Variants in BAHCC1 observed in about 807,000 individuals in gnomAD.
BAHCC1 encodes the protein BAH domain and coiled-coil containing 1.
BAHCC1 carries 43 observed loss-of-function variants against 88.2 expected under a neutral mutation model. The observed-to-expected ratio is 0.49, with a 90% CI of 0.38 to 0.63. BAHCC1 has a LOEUF of 0.63. BAHCC1 is among the 20% of genes least tolerant of loss of function. The probability of loss-of-function intolerance (pLI) is 0.00; values close to 1 mark genes in which losing one functional copy is unlikely to be tolerated. For synonymous variants in BAHCC1, 1,510 were observed against 745.5 expected, an observed-to-expected ratio of 2.03 and a Z score of -16.71; for missense variants, 3,023 against 1,654.8, an observed-to-expected ratio of 1.83 and a Z score of -14.34.
chr17:81,413,468 C>T (rs957183673), intron 2 of BAHCC1, among the ~76,000 whole-genome samples: 1 of 152,164 alleles, frequency 6.6e-6, no homozygotes, highest in Middle Eastern at 3.2e-3. Context: ...ACCACACCAC[C>T]GCCTCCACTC....
Position 81,461,943 on chromosome 17 carries a change from A to G in BAHCC1, c.7280A>G (p.Glu2427Gly). ...KEALSFSKAK[E>G]LSRRQRPPSV... The stretch of plus-strand genomic sequence containing the variant: ...GCCCTGAGCTTCTCCAAAGCCAAAG[A>G]GCTCTCCCGGAGGCAGCGGCCGCCC... The change falls in exon 26 of 28, where the codon GAG becomes GGG. Residue 2427 changes from glutamate (E) to glycine (G), a missense_variant. Transcript: ENST00000675386. 2.6e-6 allele frequency: 2 copies of G among 765,320 alleles called. No individual in the cohort carries two copies. Among genetic ancestry groups the G allele is most frequent in the Non-Finnish European group, 4.9e-6 (2 of 411,526 alleles). The allele number at this position is 765,320 out of a possible 1,614,324, so 47.4% of individuals were successfully genotyped here.
chr17:81,429,397 G>T (rs1389237467), intron 3 of BAHCC1, among the ~76,000 whole-genome samples: 15 of 152,210 alleles, frequency 9.9e-5, no homozygotes, highest in Non-Finnish European at 5.9e-5. Flanking sequence ...CCCTGCGGGG[G>T]TTCCCTGCCA....
rs1322358884 is a variant in BAHCC1 at position 81,442,329 on chromosome 17, C to T, written c.980C>T (p.Pro327Leu). 8.8e-6 allele frequency: 6 copies of T among 685,102 alleles called. No individual in the cohort carries two copies. The highest frequency in any genetic ancestry group is 1.6e-5 in the Non-Finnish European group (6 of 375,708). The allele number at this position is 685,102 out of a possible 1,614,324, so 42.4% of individuals were successfully genotyped here. The change falls in exon 5 of 28, where the codon CCC becomes CTC. Residue 327 changes from proline to leucine, a missense_variant. Physicochemically the swap from Pro to Leu is moderately conservative, Grantham distance 98. Coordinates refer to ENST00000675386, the MANE Select transcript of BAHCC1 (RefSeq NM_001377448.1). ...SGRCAKEAAGPPEPGPAFSEC... is the reference protein window; with the variant it reads ...SGRCAKEAAGLPEPGPAFSEC... ...CGCTGTGCAAAGGAGGCAGCAGGCC[C>T]CCCGGAGCCCGGGCCGGCCTTCAGC...
chr17:81,434,576 C>T lies in BAHCC1; in HGVS notation c.359-3794C>T, dbSNP rs970139572. Reference sequence around the variant, plus strand: ...GCCCCAAGTGGGGCTTCCTGGGTGACCCTGCAGTGGGAAGTCCCCTGACCC... The same window carrying T: ...GCCCCAAGTGGGGCTTCCTGGGTGATCCTGCAGTGGGAAGTCCCCTGACCC... On this transcript the variant is annotated intron_variant, in intron 3 of 27. Transcript: ENST00000675386. The surrounding 1 kb of genome is among the most constrained non-coding windows in gnomAD (Gnocchi z 4.9). 6.6e-6 allele frequency among the ~76,000 whole-genome samples: 1 copy of T among 152,136 alleles called. No homozygotes were observed. Among genetic ancestry groups the T allele is most frequent in the Non-Finnish European group, 1.5e-5 (1 of 67,992 alleles).
At position 81,460,601 on chromosome 17, in the gene BAHCC1, C is replaced by A. The variant is rs782473675; in HGVS notation, c.6097C>A (p.Pro2033Thr). The A allele has an allele frequency of 3.9e-6, 3 of 769,518 alleles. No homozygotes were observed. Among genetic ancestry groups the A allele is most frequent in the Non-Finnish European group, 4.8e-6 (2 of 413,356 alleles). 47.7% of individuals were successfully genotyped at this position (769,518 alleles called of 1,614,324 possible). A position where few individuals can be genotyped will look rare whatever the true frequency, so the allele number is the denominator to read the frequency against. Residue 2033 changes from proline to threonine, a missense_variant, in exon 25 of 28, where the codon CCC (proline) becomes ACC (threonine). Coordinates refer to ENST00000675386, the MANE Select transcript of BAHCC1 (RefSeq NM_001377448.1). ...GACCAAGAAGGTATCCAGTGAGGCA[C>A]CCCCGCCTAGTGAAGCCGCCACCCC... is the stretch of plus-strand genomic sequence containing the variant. The part of the protein sequence containing the change: ...RRTKKVSSEA[P>T]PPSEAATPSL...
chr17:81,433,271 C>T lies in BAHCC1; in HGVS notation c.359-5099C>T, dbSNP rs576981714. The stretch of plus-strand genomic sequence containing the variant: ...CACTTTGAAACACAGCCTGGACACC[C>T]GGGGGCCTGCCCACCTGGGGTGAGG... On this transcript the variant is annotated intron_variant, in intron 3 of 27. Transcript: ENST00000675386. 3.1e-4 allele frequency among the ~76,000 whole-genome samples: 47 copies of T among 152,250 alleles called. No individual in the cohort carries two copies. In the South Asian group the frequency reaches 9.5e-3, roughly 31 times the overall value.
rs533193626 is a variant in BAHCC1 at position 81,399,516 on chromosome 17, C to T, written c.-206-18C>T. On this transcript the variant is annotated intron_variant, in intron 1 of 27. Coordinates refer to ENST00000675386, the MANE Select transcript of BAHCC1 (RefSeq NM_001377448.1). The surrounding 1 kb of genome is among the most constrained non-coding windows in gnomAD (Gnocchi z 4.5). ...AGCCCCCCAGTCACCCGTGTCTCCT[C>T]TGCTTTTGCCTCCACAGACCATGGA... The T allele has an allele frequency of 1.2e-3, 406 of 342,344 alleles. 1 individual carries two copies. The highest frequency in any genetic ancestry group is 1.7e-3 in the Non-Finnish European group (288 of 170,352). The allele number at this position is 342,344 out of a possible 1,614,324, so 21.2% of individuals were successfully genotyped here.
Position 81,442,915 on chromosome 17 carries a change from T to C in BAHCC1, c.1566T>C (p.Thr522=). 1 of 779,132 alleles carries C rather than the reference T, an allele frequency of 1.3e-6. No individual in the cohort carries two copies. The highest frequency in any genetic ancestry group is 2.4e-6 in the Non-Finnish European group (1 of 417,814). 48.3% of individuals were successfully genotyped at this position (779,132 alleles called of 1,614,324 possible). Residue 522 remains threonine, a synonymous_variant, in exon 5 of 28, where the codon ACT becomes ACC. Transcript: ENST00000675386. ...LGGKAPQACC[T]LDKTVGKEAP... ...GGAAGGCCCCCCAGGCCTGCTGCACTTTAGATAAGACTGTTGGCAAGGAAG... is the reference window on the plus strand; with the variant it reads ...GGAAGGCCCCCCAGGCCTGCTGCACCTTAGATAAGACTGTTGGCAAGGAAG...
rs556070690 is a variant in BAHCC1 at position 81,456,563 on chromosome 17, C to A, written c.4836C>A (p.Ser1612=). ...RETPRCPAQP[S]VAASQEAGSG... is the part of the protein sequence containing the mutation. ...CACCCAGGTGCCCAGCCCAGCCCTC[C>A]GTGGCTGCGTCCCAGGAGGCAGGCA... Residue 1612 remains serine, a synonymous_variant, in exon 16 of 28, where the codon TCC becomes TCA. Coordinates refer to ENST00000675386, the MANE Select transcript of BAHCC1 (RefSeq NM_001377448.1). The A allele has an allele frequency of 1.4e-6, 1 of 707,740 alleles. No individual in the cohort carries two copies. The highest frequency in any genetic ancestry group is 1.5e-5 in the South Asian group (1 of 66,380). The allele number at this position is 707,740 out of a possible 1,614,324, so 43.8% of individuals were successfully genotyped here.
Position 81,445,482 on chromosome 17 carries a change from C to A in BAHCC1, c.2964C>A (p.Thr988=). Residue 988 remains threonine, a synonymous_variant, in exon 10 of 28, where the codon ACC becomes ACA. Coordinates refer to ENST00000675386, the MANE Select transcript of BAHCC1 (RefSeq NM_001377448.1). ...PGAPSPAAGP[T]KLPPCCHPPD... is the part of the protein sequence containing the mutation. Reference sequence around the variant, plus strand: ...CCCCCTCACCCGCTGCAGGCCCCACCAAGCTGCCACCTTGCTGCCATCCGC... The same window carrying A: ...CCCCCTCACCCGCTGCAGGCCCCACAAAGCTGCCACCTTGCTGCCATCCGC... 1.3e-6 allele frequency: 1 copy of A among 752,210 alleles called. No homozygotes were observed. The highest frequency in any genetic ancestry group is 2.5e-5 in the East Asian group (1 of 39,348). The allele number at this position is 752,210 out of a possible 1,614,324, so 46.6% of individuals were successfully genotyped here.
chr17:81,459,574 C>T lies in BAHCC1; in HGVS notation c.5875C>T (p.Arg1959Ter), dbSNP rs1555658566. Residue 1959 changes from arginine to a stop codon, truncating the protein, a stop_gained, in exon 23 of 28, where the codon CGA becomes TGA. Transcript: ENST00000675386. LOFTEE classifies it high-confidence loss of function. Reference sequence around the variant, plus strand: ...CTGCGCCTACTGGAGTCAGAAGTCTCGATGTCTGTACCCGGGCAACGTGGT... The same window carrying T: ...CTGCGCCTACTGGAGTCAGAAGTCTTGATGTCTGTACCCGGGCAACGTGGT... ...RVCAYWSQKS[R>*]CLYPGNVVRG... The T allele has an allele frequency of 3.8e-6, 3 of 779,562 alleles. No homozygotes were observed. Among genetic ancestry groups the T allele is most frequent in the East Asian group, 2.4e-5 (1 of 41,238 alleles). 48.3% of individuals were successfully genotyped at this position (779,562 alleles called of 1,614,324 possible). A position where few individuals can be genotyped will look rare whatever the true frequency, so the allele number is the denominator to read the frequency against.
chr17:81,458,059 G>A (rs553817947), intron 17 of BAHCC1, 106 bp from the exon 18 acceptor site: 13 of 656,976 alleles, frequency 2.0e-5, no homozygotes, highest in Admixed American at 4.5e-5. Flanking sequence ...ACCCGGGGGC[G>A]GGCAGGGGTT....
intron 1 of BAHCC1, among the ~76,000 whole-genome samples, chr17:81,397,893 A>T (rs528050441): frequency 3.3e-4 from 50 of 152,348 alleles, no homozygotes; most frequent in South Asian, 2.5e-3. Flanking sequence ...AATAAATATT[A>T]AAAAAGCTTA....
chr17:81,443,392 G>C lies in BAHCC1; in HGVS notation c.2043G>C (p.Pro681=), dbSNP rs1318063725. Residue 681 remains proline (P), a synonymous_variant, in exon 5 of 28, where the codon CCG becomes CCC. Transcript: ENST00000675386. ...SSKGPGQSER[P]DCARSREHDT... is the part of the protein sequence containing the mutation. ...AGGGCCCAGGCCAGTCGGAGAGGCC[G>C]GACTGTGCCCGCAGCAGGGAGCACG... The C allele has an allele frequency of 1.3e-6, 1 of 773,628 alleles. No homozygotes were observed. The highest frequency in any genetic ancestry group is 1.4e-5 in the South Asian group (1 of 73,774). The allele number at this position is 773,628 out of a possible 1,614,324, so 47.9% of individuals were successfully genotyped here.
In BAHCC1 at chr17:81,463,869, C is replaced by A; in HGVS notation, c.*52C>A. The A allele has an allele frequency of 1.4e-6, 1 of 693,616 alleles. No homozygotes were observed. The highest frequency in any genetic ancestry group is 2.6e-6 in the Non-Finnish European group (1 of 378,934). 43.0% of individuals were successfully genotyped at this position (693,616 alleles called of 1,614,324 possible). A position where few individuals can be genotyped will look rare whatever the true frequency, so the allele number is the denominator to read the frequency against. ...TGCGCCAGGGACCCTGTGTGCGGAG[C>A]CTGGCGTCGGCCAAGCCACCGGGCA... On this transcript the variant is annotated 3_prime_UTR_variant, in exon 28 of 28. Coordinates refer to ENST00000675386, the MANE Select transcript of BAHCC1 (RefSeq NM_001377448.1).
At position 81,399,815 on chromosome 17, in the gene BAHCC1, G is replaced by GCCGCCGCGCGTCTCGCCCCGGCTGGGC. The variant is rs1427150839; in HGVS notation, c.86_112dup (p.Arg29_Ala37dup). ...GAGCCTGGGCCACCGCAGCGCCGCT[G>GCCGCCGCGCGTCTCGCCCCGGCTGGGC]CCGCCGCGCGTCTCGCCCCGGCTGG... On this transcript the variant is annotated inframe_insertion, in exon 2 of 28. Transcript: ENST00000675386. The surrounding 1 kb of genome is among the most constrained non-coding windows in gnomAD (Gnocchi z 4.5). The GCCGCCGCGCGTCTCGCCCCGGCTGGGC allele has an allele frequency of 2.0e-5, 26 of 1,319,816 alleles. No homozygotes were observed. In the African/African-American group the frequency reaches 2.6e-4, roughly 13 times the overall value. 81.8% of individuals were successfully genotyped at this position (1,319,816 alleles called of 1,614,324 possible).
rs1292407747 is a variant in BAHCC1 at position 81,456,492 on chromosome 17, GGGGCCACACGGCACCCACAGCCCAA to G, written c.4773_4797del (p.Arg1592AlafsTer81). 1.4e-6 allele frequency: 1 copy of G among 719,158 alleles called. No individual in the cohort carries two copies. The highest frequency in any genetic ancestry group is 2.6e-6 in the Non-Finnish European group (1 of 386,376). 44.5% of individuals were successfully genotyped at this position (719,158 alleles called of 1,614,324 possible). A position where few individuals can be genotyped will look rare whatever the true frequency, so the allele number is the denominator to read the frequency against. ...CCGAGCCAAGAGTGCCAAGGTGTCT[GGGGCCACACGGCACCCACAGCCCAA>G]GGGCCACGGCAGCCGGGAGACACCC... On this transcript the variant is annotated frameshift_variant, in exon 16 of 28. Coordinates refer to ENST00000675386, the MANE Select transcript of BAHCC1 (RefSeq NM_001377448.1). LOFTEE classifies it high-confidence loss of function.
At chr17:81,459,023 C>T (rs376812572) in intron 20 of BAHCC1, 31 bp from the exon 21 acceptor site, 92 of 728,584 alleles carry the variant, frequency 1.3e-4, no homozygotes, top group African/African-American at 1.1e-3. Flanking sequence ...GTGGGTAGGC[C>T]GTGCCGGCCG....
chr17:81,459,650 C>T (rs542542384), intron 23 of BAHCC1, 46 bp downstream of exon 23: 1 of 777,640 alleles, frequency 1.3e-6, no homozygotes, highest in South Asian at 1.3e-5. Flanking sequence ...CCTCTGAGAC[C>T]CACAGGCTCA....
Sources: allele counts gnomAD v4.1 joint callset (sites outside exome capture counted in the v4.1 genomes callset), GRCh38; gene constraint gnomAD v4.1.1; non-coding constraint Gnocchi (gnomAD v3.1); transcripts MANE v1.5; gene names NCBI Gene and HGNC (gene_info 2026-07-23, HGNC 2026-07-21).